Variants in CAMK1D observed in about 807,000 individuals in gnomAD.
The protein encoded by CAMK1D is calcium/calmodulin dependent protein kinase ID, also known as calcium/calmodulin-dependent protein kinase type 1D.
Under a neutral mutation model 47.7 loss-of-function variants are expected in CAMK1D, and 9 were observed. The ratio of observed to expected loss-of-function variants is 0.19; its 90% confidence interval spans 0.11 to 0.33. The LOEUF (loss-of-function observed/expected upper bound fraction) is 0.33. Among genes scored for constraint, CAMK1D ranks in the 10% least tolerant of loss-of-function variants. The pLI is 1.00. For missense variants in CAMK1D, 291 were observed against 488.7 expected, an observed-to-expected ratio of 0.60 and a Z score of 3.81; for synonymous variants, 184 against 184.9, an observed-to-expected ratio of 0.99 and a Z score of 0.04.
chr10:12,785,252 G>A (rs573309106), intron 5 of CAMK1D, among the ~76,000 whole-genome samples: 1 of 152,192 alleles, frequency 6.6e-6, no homozygotes, highest in African/African-American at 2.4e-5. Flanking sequence ...TGTCATTTGA[G>A]GGGATGTGCC....
chr10:12,553,079 A>G, intron 1 of CAMK1D, 146 bp from the exon 2 acceptor site: 1 of 1,463,270 alleles, frequency 6.8e-7, no homozygotes, highest in Non-Finnish European at 9.2e-7. Flanking sequence ...ATGTTTAGCA[A>G]GGAGCCACGG....
At chr10:12,462,835 A>T (rs561200747) in intron 1 of CAMK1D, among the ~76,000 whole-genome samples, 2 of 152,150 alleles carry the variant, frequency 1.3e-5, no homozygotes, top group Non-Finnish European at 2.9e-5. Context: ...AGCTGGGACT[A>T]CAGGCATGCA....
At chr10:12,616,263 G>A (rs1022869034) in intron 2 of CAMK1D, among the ~76,000 whole-genome samples, 1 of 152,166 alleles carries the variant, frequency 6.6e-6, no homozygotes, top group Non-Finnish European at 1.5e-5. Flanking sequence ...GTATGGGCAG[G>A]CTTGAATATT....
chr10:12,572,083 A>C (rs1401178328), intron 2 of CAMK1D, among the ~76,000 whole-genome samples: 1 of 130,508 alleles, frequency 7.7e-6, no homozygotes, highest in African/African-American at 3.3e-5. Context: ...ATGAAATCCC[A>C]AGCAGAATTG....
chr10:12,574,941 G>A (rs1157655071), intron 2 of CAMK1D, among the ~76,000 whole-genome samples: 1 of 152,070 alleles, frequency 6.6e-6, no homozygotes, highest in Non-Finnish European at 1.5e-5. Context: ...CAACACCAGT[G>A]GCATGGTGCA....
chr10:12,639,378 G>A (rs141904553), intron 2 of CAMK1D, among the ~76,000 whole-genome samples: 1,915 of 152,220 alleles, frequency 0.013, 58 homozygotes, highest in East Asian at 0.11. Flanking sequence ...CCAGCTACTC[G>A]GGAGGCTGAG....
intron 1 of CAMK1D, among the ~76,000 whole-genome samples, chr10:12,350,621 A>G (rs1794939443): frequency 6.6e-6 from 1 of 152,244 alleles, no homozygotes; most frequent in Admixed American, 6.5e-5. Flanking sequence ...GTCTCAAGAA[A>G]GCAGAAATAA....
At chr10:12,662,419 C>G (rs545666090) in intron 2 of CAMK1D, among the ~76,000 whole-genome samples, 1 of 152,086 alleles carries the variant, frequency 6.6e-6, no homozygotes, top group Non-Finnish European at 1.5e-5. Flanking sequence ...TTTGGGAGGC[C>G]GAGATGGGCG....
intron 7 of CAMK1D, among the ~76,000 whole-genome samples, chr10:12,815,979 G>A (rs12217840): frequency 0.18 from 28,129 of 152,136 alleles, 5,741 homozygotes; most frequent in African/African-American, 0.48. Flanking sequence ...TCAACCAAAG[G>A]TATCACTAGC....
intron 10 of CAMK1D, 90 bp downstream of exon 10, chr10:12,825,780 C>T (rs1386596551): frequency 1.3e-6 from 2 of 1,590,568 alleles, no homozygotes; most frequent in African/African-American, 2.7e-5. Flanking sequence ...CCGAGCACCT[C>T]CTGTTTGCCA....
intron 2 of CAMK1D, among the ~76,000 whole-genome samples, chr10:12,562,918 T>C (rs1273897797): frequency 6.6e-6 from 1 of 152,096 alleles, no homozygotes; most frequent in Admixed American, 6.5e-5. Flanking sequence ...GCAAAGAAGG[T>C]TTAGTGGAAG....
chr10:12,448,777 C>T (rs1334435604), intron 1 of CAMK1D, among the ~76,000 whole-genome samples: 1 of 152,148 alleles, frequency 6.6e-6, no homozygotes, highest in Non-Finnish European at 1.5e-5. Context: ...TATCCCCGGA[C>T]CATTCCTCCC....
intron 1 of CAMK1D, among the ~76,000 whole-genome samples, chr10:12,408,207 C>G (rs1438352315): frequency 2.7e-5 from 4 of 147,268 alleles, no homozygotes; most frequent in Admixed American, 6.9e-5. Flanking sequence ...TGTTGCCCAG[C>G]CTGGAGTGCA....
intron 3 of CAMK1D, among the ~76,000 whole-genome samples, chr10:12,721,013 C>T (rs940329083): frequency 6.6e-6 from 1 of 152,210 alleles, no homozygotes; most frequent in Non-Finnish European, 1.5e-5. Flanking sequence ...AGGCCCTGAC[C>T]TGCAGGGCTT....
chr10:12,545,524 G>A (rs2478976), intron 1 of CAMK1D, among the ~76,000 whole-genome samples: 115,440 of 148,036 alleles, frequency 0.78, 45,329 homozygotes, highest in Middle Eastern at 0.83. Flanking sequence ...GGAATTAGCC[G>A]GGCGCAGTGG....
intron 1 of CAMK1D, among the ~76,000 whole-genome samples, chr10:12,549,107 T>C (rs1836497015): frequency 6.7e-6 from 1 of 150,128 alleles, no homozygotes; most frequent in Non-Finnish European, 1.5e-5. Flanking sequence ...CTGCCCGCCT[T>C]GGCCTCCCAA....
intron 1 of CAMK1D, among the ~76,000 whole-genome samples, chr10:12,471,058 T>C (rs1833732250): frequency 6.6e-6 from 1 of 152,232 alleles, no homozygotes; most frequent in Non-Finnish European, 1.5e-5. Flanking sequence ...TTTGTGTCTT[T>C]TTCCCACATT....
intron 2 of CAMK1D, among the ~76,000 whole-genome samples, chr10:12,589,677 AG>A (rs1332685554): frequency 6.6e-6 from 1 of 152,150 alleles, no homozygotes; most frequent in African/African-American, 2.4e-5. Context: ...CCTCCAACAC[AG>A]GGAGTAGCTT....
At chr10:12,667,880 A>C (rs1840483127) in intron 3 of CAMK1D, among the ~76,000 whole-genome samples, 1 of 152,226 alleles carries the variant, frequency 6.6e-6, no homozygotes, top group Non-Finnish European at 1.5e-5. Flanking sequence ...ATGATCTTCA[A>C]AATATTTTTG....
Sources: allele counts gnomAD v4.1 joint callset (sites outside exome capture counted in the v4.1 genomes callset), GRCh38; gene constraint gnomAD v4.1.1; transcripts MANE v1.5; gene names NCBI Gene and HGNC (gene_info 2026-07-23, HGNC 2026-07-21).